Variants in RBFOX1 observed in about 807,000 individuals in gnomAD.
RBFOX1 encodes RNA binding fox-1 homolog 1.
RBFOX1 carries 8 observed loss-of-function variants against 57.7 expected under a neutral mutation model. The ratio of observed to expected loss-of-function variants is 0.14; its 90% CI spans 0.08 to 0.25. The LOEUF (loss-of-function observed/expected upper bound fraction) is 0.25, where lower values mean the gene tolerates loss of function less well. Among genes scored for constraint, RBFOX1 ranks in the 10% least tolerant of loss-of-function variants. The pLI is 1.00. For synonymous variants in RBFOX1, 326 were observed against 222.4 expected (o/e 1.47, Z -4.15); for missense variants, 611 against 548.5 (o/e 1.11, Z -1.14).
intron 4 of RBFOX1, among the ~76,000 whole-genome samples, chr16:7,464,760 G>A (rs1245321777): frequency 8.3e-6 from 1 of 121,186 alleles, no homozygotes; most frequent in Non-Finnish European, 1.6e-5. Context: ...GCAGTCGCGT[G>A]ATCTCGGCTC....
intron 4 of RBFOX1, among the ~76,000 whole-genome samples, chr16:6,009,135 T>G (rs534246706): frequency 2.9e-4 from 44 of 151,992 alleles, no homozygotes; most frequent in African/African-American, 1.0e-3. Context: ...TTGTCCATTG[T>G]AAAAGAGCCT....
chr16:7,289,596 C>T (rs999243139), intron 4 of RBFOX1, among the ~76,000 whole-genome samples: 84 of 152,232 alleles, frequency 5.5e-4, no homozygotes, highest in African/African-American at 1.8e-3. Context: ...TTACTACCAT[C>T]ACTTTCATCA....
At chr16:6,412,503 C>T (rs866882809) in intron 2 of RBFOX1, among the ~76,000 whole-genome samples, 1 of 152,312 alleles carries the variant, frequency 6.6e-6, no homozygotes, top group South Asian at 2.1e-4. Context: ...TATCTTTCCA[C>T]TGCGTTTACT....
intron 1 of RBFOX1, among the ~76,000 whole-genome samples, chr16:6,117,654 C>A (rs1597455582): frequency 6.6e-6 from 1 of 152,256 alleles, no homozygotes; most frequent in Admixed American, 6.5e-5. Context: ...ACAACTGAGC[C>A]TGCTGGCACC....
intron 1 of RBFOX1, among the ~76,000 whole-genome samples, chr16:5,262,634 C>G (rs1302597770): frequency 6.6e-6 from 1 of 152,156 alleles, no homozygotes; most frequent in Non-Finnish European, 1.5e-5. Context: ...GTGTATAGCT[C>G]TACCTCTATC....
intron 3 of RBFOX1, among the ~76,000 whole-genome samples, chr16:6,950,046 A>G (rs910519241): frequency 3.3e-5 from 5 of 150,876 alleles, no homozygotes; most frequent in South Asian, 2.1e-4. Flanking sequence ...TCCTGGGTTC[A>G]AGTGATTGTC....
At chr16:5,789,618 T>G (rs2054621119) in intron 3 of RBFOX1, among the ~76,000 whole-genome samples, 1 of 152,194 alleles carries the variant, frequency 6.6e-6, no homozygotes, top group Non-Finnish European at 1.5e-5. Context: ...CTCTTTTGGT[T>G]AAGCTTTTTC....
intron 3 of RBFOX1, among the ~76,000 whole-genome samples, chr16:6,872,416 C>A (rs186812554): frequency 4.6e-5 from 7 of 152,000 alleles, no homozygotes; most frequent in Non-Finnish European, 7.4e-5. Context: ...AATCGATCAC[C>A]TTTTAACACT....
At chr16:5,919,818 A>T (rs2058781906) in intron 4 of RBFOX1, among the ~76,000 whole-genome samples, 1 of 152,164 alleles carries the variant, frequency 6.6e-6, no homozygotes. Context: ...TCTACTTTCT[A>T]TAGATTCACT....
At chr16:6,883,995 G>T (rs1348805411) in intron 3 of RBFOX1, among the ~76,000 whole-genome samples, 1 of 152,124 alleles carries the variant, frequency 6.6e-6, no homozygotes, top group African/African-American at 2.4e-5. Context: ...GAAAACTGGG[G>T]AGTCACACAC....
At chr16:6,450,006 T>G (rs1349751232) in intron 2 of RBFOX1, among the ~76,000 whole-genome samples, 1 of 152,164 alleles carries the variant, frequency 6.6e-6, no homozygotes, top group Admixed American at 6.5e-5. Flanking sequence ...TAGAATTGCT[T>G]TTATTGGATT....
chr16:5,814,404 C>A, intron 3 of RBFOX1, among the ~76,000 whole-genome samples: 1 of 152,312 alleles, frequency 6.6e-6, no homozygotes, highest in East Asian at 1.9e-4. Flanking sequence ...CTTTTTCCCT[C>A]TTCCGAAGAA....
chr16:7,207,248 A>G (rs1385063451), intron 4 of RBFOX1, among the ~76,000 whole-genome samples: 1 of 152,132 alleles, frequency 6.6e-6, no homozygotes, highest in African/African-American at 2.4e-5. Flanking sequence ...GCCGGGCGTT[A>G]TGGGGGTTCC....
chr16:7,316,867 A>G (rs1373589567), intron 4 of RBFOX1, among the ~76,000 whole-genome samples: 1 of 151,894 alleles, frequency 6.6e-6, no homozygotes, highest in Non-Finnish European at 1.5e-5. Flanking sequence ...AGCCAGTGAG[A>G]GAGGGGTAAA....
At chr16:5,555,148 A>C (rs78522570) in intron 2 of RBFOX1, among the ~76,000 whole-genome samples, 7,439 of 152,332 alleles carry the variant, frequency 0.049, 202 homozygotes, top group East Asian at 0.1. Flanking sequence ...GCCTGCATCT[A>C]GCTACCCTCC....
intron 14 of RBFOX1, among the ~76,000 whole-genome samples, chr16:7,707,167 T>G (rs1268424108): frequency 1.3e-5 from 2 of 152,152 alleles, no homozygotes; most frequent in Non-Finnish European, 2.9e-5. Flanking sequence ...TTTGCACTCA[T>G]CAAGTGCCCT....
intron 3 of RBFOX1, among the ~76,000 whole-genome samples, chr16:5,811,611 G>C (rs2342739): frequency 0.67 from 102,243 of 151,764 alleles, 34,913 homozygotes; most frequent in African/African-American, 0.78. Context: ...CCACCACATT[G>C]AGCTAATTTT....
At chr16:5,532,554 A>G (rs947667881) in intron 2 of RBFOX1, among the ~76,000 whole-genome samples, 1 of 152,188 alleles carries the variant, frequency 6.6e-6, no homozygotes, top group East Asian at 1.9e-4. Context: ...GTTAGTCTCT[A>G]AATCTATAAA....
At chr16:5,997,233 G>A (rs966639121) in intron 4 of RBFOX1, among the ~76,000 whole-genome samples, 1 of 152,210 alleles carries the variant, frequency 6.6e-6, no homozygotes, top group African/African-American at 2.4e-5. Flanking sequence ...TCAGCCTCCT[G>A]CCTGGGGCAC....
Sources: gnomAD v4.1 joint callset for allele counts (sites outside exome capture counted in the v4.1 genomes callset) on GRCh38, gnomAD v4.1.1 for gene constraint, MANE v1.5 for transcripts, NCBI Gene and HGNC (gene_info 2026-07-23, HGNC 2026-07-21) for gene names.